The following OPCML variants were observed in gnomAD, a reference collection of about 807,000 sequenced individuals.
OPCML encodes the protein opioid binding protein/cell adhesion molecule like.
In OPCML, 13 loss-of-function variants were observed where a neutral mutation model predicts 37.8. The observed-to-expected ratio is 0.34, with a 90% confidence interval of 0.22 to 0.55. The LOEUF is 0.55. Ranked by LOEUF, OPCML falls within the 20% of genes least tolerant of loss-of-function variation. OPCML has a pLI of 0.91. For missense variants in OPCML, 341 were observed against 435.6 expected, an observed-to-expected ratio of 0.78 and a Z score of 1.93; for synonymous variants, 176 against 168.8, an observed-to-expected ratio of 1.04 and a Z score of -0.33.
At chr11:133,457,504 A>C (rs1165861715) in intron 1 of OPCML, among the ~76,000 whole-genome samples, 1 of 152,060 alleles carries the variant, frequency 6.6e-6, no homozygotes, top group Non-Finnish European at 1.5e-5. Flanking sequence ...ATGCCACTAC[A>C]TTCCAGTATG....
chr11:133,417,101 A>T (rs1364936778), intron 1 of OPCML, among the ~76,000 whole-genome samples: 1 of 152,198 alleles, frequency 6.6e-6, no homozygotes, highest in Non-Finnish European at 1.5e-5. Context: ...TTGCTCTATC[A>T]ATCTGGTCTG....
chr11:132,484,811 C>T (rs10791232), intron 4 of OPCML, among the ~76,000 whole-genome samples: 67,180 of 148,138 alleles, frequency 0.45, 14,793 homozygotes, highest in East Asian at 0.74. Flanking sequence ...AGTAAACTAT[C>T]GCAAGAACAA....
intron 4 of OPCML, among the ~76,000 whole-genome samples, chr11:132,525,018 C>T (rs2096304390): frequency 6.6e-6 from 1 of 152,202 alleles, no homozygotes; most frequent in Admixed American, 6.5e-5. Context: ...TCCTCCCACT[C>T]CAATCAACTT....
chr11:133,040,123 T>A (rs540749883), intron 1 of OPCML, among the ~76,000 whole-genome samples: 8 of 152,052 alleles, frequency 5.3e-5, no homozygotes, highest in Non-Finnish European at 1.0e-4. Flanking sequence ...ATTAATGACA[T>A]CCTCACGTCA....
At chr11:133,009,163 T>C in intron 1 of OPCML, 1 of 985,336 alleles carries the variant, frequency 1.0e-6, no homozygotes, top group South Asian at 4.7e-5. Context: ...TTACTCTTTG[T>C]CCTTTCAAGA....
rs79443923 is a variant in OPCML at position 133,383,190 on chromosome 11, C to T, written c.61+149074G>A. On this transcript the variant is annotated intron_variant, in intron 1 of 7. Coordinates refer to ENST00000524381, the MANE Select transcript of OPCML (RefSeq NM_001012393.5). The stretch of plus-strand genomic sequence containing the variant: ...ATCAATGCTGCCTCTTGGATCCATA[C>T]CTCCTCTCCAGGCCATTGTCCTGCC... Among the ~76,000 whole-genome samples, 984 of 152,226 alleles carry T rather than the reference C, an allele frequency of 6.5e-3. 8 individuals carry two copies. The highest frequency in any genetic ancestry group is 0.022 in the African/African-American group (897 of 41,526).
chr11:132,805,253 T>A (rs772230862), intron 2 of OPCML, among the ~76,000 whole-genome samples: 1 of 152,122 alleles, frequency 6.6e-6, no homozygotes, highest in Non-Finnish European at 1.5e-5. Flanking sequence ...AAAAAGGATT[T>A]TATGCAATTT....
intron 1 of OPCML, among the ~76,000 whole-genome samples, chr11:132,987,818 C>A (rs1187917651): frequency 1.3e-5 from 2 of 152,156 alleles, no homozygotes. Flanking sequence ...TCACCCTGGT[C>A]CCCCACAAAA....
At chr11:132,962,612 T>C (rs1195900050) in intron 1 of OPCML, among the ~76,000 whole-genome samples, 1 of 152,200 alleles carries the variant, frequency 6.6e-6, no homozygotes, top group Non-Finnish European at 1.5e-5. Flanking sequence ...CATTTATTTC[T>C]TCAAACACAC....
At position 133,096,304 on chromosome 11, in the gene OPCML, A is replaced by G. The variant is rs113710145; in HGVS notation, c.62-153294T>C. Reference sequence around the variant, plus strand: ...TATATTATTATATTAAAGTTGACATAAATTAGTTGTGAATGTATAGTGTGA... The same window carrying G: ...TATATTATTATATTAAAGTTGACATGAATTAGTTGTGAATGTATAGTGTGA... On this transcript the variant is annotated intron_variant, in intron 1 of 7. Transcript: ENST00000524381. Among the ~76,000 whole-genome samples, 263 of 152,188 alleles carry G rather than the reference A, an allele frequency of 1.7e-3. 1 individual carries two copies. The highest frequency in any genetic ancestry group is 6.1e-3 in the African/African-American group (252 of 41,560).
intron 7 of OPCML, among the ~76,000 whole-genome samples, chr11:132,422,806 A>G (rs1047247566): frequency 6.6e-6 from 1 of 152,190 alleles, no homozygotes; most frequent in African/African-American, 2.4e-5. Flanking sequence ...TTACAAGTCT[A>G]CTTCCTCTCT....
intron 1 of OPCML, among the ~76,000 whole-genome samples, chr11:133,104,530 C>T (rs1565448968): frequency 6.6e-6 from 1 of 152,214 alleles, no homozygotes. Context: ...TTCTGCCTGT[C>T]TATGCTTTGA....
intron 1 of OPCML, among the ~76,000 whole-genome samples, chr11:133,074,225 C>T (rs761746245): frequency 2.6e-5 from 4 of 152,130 alleles, no homozygotes; most frequent in African/African-American, 7.2e-5. Context: ...TTTCTAAAAC[C>T]ACCATGTAAA....
chr11:133,003,336 T>C (rs1947045222), intron 1 of OPCML, among the ~76,000 whole-genome samples: 1 of 152,150 alleles, frequency 6.6e-6, no homozygotes, highest in South Asian at 2.1e-4. Flanking sequence ...CTCTTAGAGC[T>C]CCTGCTGGCT....
chr11:132,641,687 T>C (rs1192135763), intron 3 of OPCML, among the ~76,000 whole-genome samples: 3 of 152,250 alleles, frequency 2.0e-5, no homozygotes, highest in Non-Finnish European at 4.4e-5. Context: ...TGGTGTATTT[T>C]CCACTTGCTT....
chr11:133,363,074 C>T (rs1490044875), intron 1 of OPCML, among the ~76,000 whole-genome samples: 1 of 152,194 alleles, frequency 6.6e-6, no homozygotes, highest in African/African-American at 2.4e-5. Flanking sequence ...AATACCCTGC[C>T]CCATGGAAGG....
At chr11:132,560,787 T>C (rs1159148246) in intron 3 of OPCML, among the ~76,000 whole-genome samples, 1 of 152,212 alleles carries the variant, frequency 6.6e-6, no homozygotes, top group Non-Finnish European at 1.5e-5. Context: ...TGTTTTTTTC[T>C]TGAGTTCTTT....
At chr11:133,052,322 A>T (rs550215899) in intron 1 of OPCML, among the ~76,000 whole-genome samples, 3 of 152,324 alleles carry the variant, frequency 2.0e-5, no homozygotes, top group East Asian at 3.9e-4. Context: ...TAATCATTTG[A>T]GGTCACTCCA....
chr11:133,462,559 T>C (rs1303863337), intron 1 of OPCML, among the ~76,000 whole-genome samples: 4 of 151,694 alleles, frequency 2.6e-5, no homozygotes, highest in Non-Finnish European at 5.9e-5. Flanking sequence ...GATGTACGAA[T>C]GGCAATAAGC....
Sources: allele counts gnomAD v4.1 joint callset (sites outside exome capture counted in the v4.1 genomes callset), GRCh38; gene constraint gnomAD v4.1.1; transcripts MANE v1.5; gene names NCBI Gene and HGNC (gene_info 2026-07-23, HGNC 2026-07-21).